Variants in KLHL18 observed in about 807,000 individuals in gnomAD.
KLHL18 encodes the protein kelch-like protein 18.
KLHL18 carries 38 observed loss-of-function variants against 58.5 expected under a neutral mutation model. The observed-to-expected ratio is 0.65, with a 90% CI of 0.50 to 0.85. The LOEUF (loss-of-function observed/expected upper bound fraction) is 0.85, where lower values mean the gene tolerates loss of function less well. Among genes scored for constraint, KLHL18 ranks in the 40% least tolerant of loss-of-function variants. KLHL18 has a pLI of 0.00. For synonymous variants in KLHL18, 303 were observed against 301.9 expected, an observed-to-expected ratio of 1.00 and a Z score of -0.04; for missense variants, 624 against 778.4, an observed-to-expected ratio of 0.80 and a Z score of 2.36.
chr3:47,329,833 C>A, intron 3 of KLHL18, 118 bp from the exon 4 acceptor site: 1 of 791,798 alleles, frequency 1.3e-6, no homozygotes, highest in Non-Finnish European at 2.1e-6. Context: ...CAGTTTCCAA[C>A]AAAGCTGAGG....
Position 47,283,103 on chromosome 3 carries a change from G to C in KLHL18, c.129+9G>C. 1 of 1,570,458 alleles carries C rather than the reference G, an allele frequency of 6.4e-7. No homozygotes were observed. The highest frequency in any genetic ancestry group is 8.6e-7 in the Non-Finnish European group (1 of 1,158,338). On this transcript the variant is annotated intron_variant, in intron 1 of 9. Transcript: ENST00000232766. ...GCGACGTGACCCTCAAGGTACCGCG[G>C]ACTGGGCGGCAGCGGGCTGAGGGAA...
intron 1 of KLHL18, among the ~76,000 whole-genome samples, chr3:47,316,675 A>G (rs1230322179): frequency 1.7e-4 from 15 of 89,090 alleles, no homozygotes; most frequent in South Asian, 3.4e-4. Context: ...ATACGTATAT[A>G]TGTATATGTG....
chr3:47,309,158 A>G lies in KLHL18; in HGVS notation c.130-10495A>G, dbSNP rs560833285. On this transcript the variant is annotated intron_variant, in intron 1 of 9. Transcript: ENST00000232766. ...AGTACAGAACAAAATGGAGTCTCCT[A>G]TGTCTACTTCTTTCTACACAGACAC... Among the ~76,000 whole-genome samples the G allele has an allele frequency of 9.2e-5, 14 of 152,316 alleles. No homozygotes were observed. The East Asian group carries it at 2.5e-3, about 27-fold the overall frequency.
At position 47,284,456 on chromosome 3, in the gene KLHL18, C is replaced by T. The variant is rs531007576; in HGVS notation, c.129+1362C>T. On this transcript the variant is annotated intron_variant, in intron 1 of 9. Transcript: ENST00000232766. ...GTTCAAGCGATTCTCCTGCCTCAGC[C>T]TCCCCAGCAGCTGGGACTACAGGCG... 2.6e-5 allele frequency among the ~76,000 whole-genome samples: 4 copies of T among 151,670 alleles called. No individual in the cohort carries two copies. In the East Asian group the frequency reaches 5.8e-4, roughly 22 times the overall value.
intron 3 of KLHL18, among the ~76,000 whole-genome samples, chr3:47,325,004 C>G (rs945434708): frequency 5.3e-5 from 8 of 152,112 alleles, no homozygotes; most frequent in Non-Finnish European, 8.8e-5. Flanking sequence ...CTATACCTCT[C>G]CTGTTTCCTG....
intron 1 of KLHL18, among the ~76,000 whole-genome samples, chr3:47,318,266 C>A (rs1703503157): frequency 6.6e-6 from 1 of 152,200 alleles, no homozygotes; most frequent in Non-Finnish European, 1.5e-5. Context: ...TTGCTGTCAT[C>A]TGAAGGCTTG....
chr3:47,308,719 C>T (rs565546733), intron 1 of KLHL18, among the ~76,000 whole-genome samples: 5 of 152,186 alleles, frequency 3.3e-5, no homozygotes, highest in Non-Finnish European at 1.5e-5. Flanking sequence ...CCTTATCTCC[C>T]TCCTTCCTTC....
intron 9 of KLHL18, 21 bp downstream of exon 9, chr3:47,342,851 G>A: frequency 6.5e-7 from 1 of 1,530,070 alleles, no homozygotes; most frequent in Non-Finnish European, 9.1e-7. Flanking sequence ...GCTCCCCCTG[G>A]GATAAGGGTA....
chr3:47,339,318 G>A (rs1330465330), intron 7 of KLHL18, among the ~76,000 whole-genome samples: 3 of 151,700 alleles, frequency 2.0e-5, no homozygotes, highest in African/African-American at 7.3e-5. Context: ...AACATAGTGA[G>A]ACCCCCGTCT....
At chr3:47,289,055 C>G (rs573894631) in intron 1 of KLHL18, among the ~76,000 whole-genome samples, 2 of 152,250 alleles carry the variant, frequency 1.3e-5, no homozygotes, top group South Asian at 2.1e-4. Flanking sequence ...TATTTTTTCC[C>G]CTATGCTTCT....
At chr3:47,338,440 C>G (rs1184561537) in intron 7 of KLHL18, 1 of 152,230 alleles carries the variant, frequency 6.6e-6, no homozygotes, top group Non-Finnish European at 1.5e-5. Flanking sequence ...GCAAGTCCCT[C>G]TCCTCTTTCT....
At chr3:47,333,015 G>T in intron 4 of KLHL18, 142 bp from the exon 5 acceptor site, 1 of 766,384 alleles carries the variant, frequency 1.3e-6, no homozygotes, top group East Asian at 2.6e-5. Flanking sequence ...AGAAATCAGG[G>T]ATTTCAGAGA....
intron 1 of KLHL18, among the ~76,000 whole-genome samples, chr3:47,313,957 C>T (rs1703365119): frequency 6.6e-6 from 1 of 152,158 alleles, no homozygotes; most frequent in Admixed American, 6.5e-5. Flanking sequence ...AGAAAATGTG[C>T]AGAATGGGTA....
chr3:47,307,078 T>A (rs1234935648), intron 1 of KLHL18, among the ~76,000 whole-genome samples: 2 of 152,180 alleles, frequency 1.3e-5, no homozygotes, highest in Non-Finnish European at 2.9e-5. Flanking sequence ...ACTTGTAACT[T>A]GTCTTTTTTT....
At chr3:47,303,157 T>A (rs1703063592) in intron 1 of KLHL18, among the ~76,000 whole-genome samples, 2 of 152,252 alleles carry the variant, frequency 1.3e-5, no homozygotes, top group Non-Finnish European at 1.5e-5. Context: ...ACTGTTTCAG[T>A]CTTGATGGCT....
rs932197046 is a variant in KLHL18, at chr3:47,344,176, T to C, written c.*235T>C. ...CACAAGCTCCTCTGGATCCTGCAGC[T>C]GGTGACATGGAACTGTTTTCTGGTC... is the stretch of plus-strand genomic sequence containing the variant. On this transcript the variant is annotated 3_prime_UTR_variant, in exon 10 of 10. Coordinates refer to ENST00000232766, the MANE Select transcript of KLHL18 (RefSeq NM_025010.5). The C allele has an allele frequency of 5.2e-5, 29 of 560,210 alleles. 1 individual carries two copies. In the South Asian group the frequency reaches 7.1e-4, roughly 14 times the overall value. 34.7% of individuals were successfully genotyped at this position (560,210 alleles called of 1,614,324 possible). A position where few individuals can be genotyped will look rare whatever the true frequency, so the allele number is the denominator to read the frequency against.
intron 1 of KLHL18, among the ~76,000 whole-genome samples, chr3:47,284,480 C>T (rs1049456560): frequency 2.0e-5 from 3 of 151,660 alleles, no homozygotes; most frequent in Non-Finnish European, 2.9e-5. Flanking sequence ...GGACTACAGG[C>T]GCGCACCACT....
Position 47,290,656 on chromosome 3 carries a change from C to G in KLHL18, c.129+7562C>G, listed in dbSNP as rs940881036. Among the ~76,000 whole-genome samples the G allele has an allele frequency of 8.5e-5, 13 of 152,122 alleles. 1 individual carries two copies. The highest frequency in any genetic ancestry group is 7.9e-4 in the Admixed American group (12 of 15,276). On this transcript the variant is annotated intron_variant, in intron 1 of 9. Transcript: ENST00000232766. ...TTGTTTATTTTTTGAGAGATGGGGC[C>G]TCACCTTGTGGTCTAGGCTGGTCTC...
chr3:47,313,066 T>A (rs1424943326), intron 1 of KLHL18, among the ~76,000 whole-genome samples: 1 of 151,642 alleles, frequency 6.6e-6, no homozygotes, highest in Non-Finnish European at 1.5e-5. Flanking sequence ...CCTGCCACCA[T>A]GCCCAGCTAA....
Sources: gnomAD v4.1 joint callset for allele counts (sites outside exome capture counted in the v4.1 genomes callset) on GRCh38, gnomAD v4.1.1 for gene constraint, MANE v1.5 for transcripts, NCBI Gene and HGNC (gene_info 2026-07-23, HGNC 2026-07-21) for gene names.